Variants in EXOC4 observed in about 807,000 individuals in gnomAD.
EXOC4 encodes the protein SEC8-like 1.
EXOC4 carries 71 observed loss-of-function variants against 107.2 expected under a neutral mutation model. That is an observed-to-expected ratio of 0.66 (90% CI 0.55 to 0.81). The LOEUF (loss-of-function observed/expected upper bound fraction) is 0.81. Ranked by LOEUF, EXOC4 falls within the 30% of genes least tolerant of loss-of-function variation. The pLI is 0.00. For missense variants in EXOC4, 1,108 were observed against 1,189.6 expected, an observed-to-expected ratio of 0.93 and a Z score of 1.01; for synonymous variants, 456 against 441.2, an observed-to-expected ratio of 1.03 and a Z score of -0.42.
At position 133,630,158 on chromosome 7, in the gene EXOC4, G is replaced by A; in HGVS notation, c.1514+17G>A. 6.4e-7 allele frequency: 1 copy of A among 1,555,106 alleles called. No homozygotes were observed. The highest frequency in any genetic ancestry group is 1.4e-5 in the African/African-American group (1 of 73,778). On this transcript the variant is annotated intron_variant, in intron 10 of 17. Transcript: ENST00000253861. ...ATTACTAAGGTAAGTCAAGTGCTAT[G>A]ATATACTTACTGAAGATCAATATTT... is the stretch of plus-strand genomic sequence containing the variant.
intron 7 of EXOC4, among the ~76,000 whole-genome samples, chr7:133,424,711 G>C (rs1181833192): frequency 6.6e-6 from 1 of 152,130 alleles, no homozygotes; most frequent in South Asian, 2.1e-4. Flanking sequence ...TTGTATATTC[G>C]ATGTGAGGTT....
At chr7:133,841,347 G>T (rs755670425) in intron 11 of EXOC4, among the ~76,000 whole-genome samples, 6 of 152,204 alleles carry the variant, frequency 3.9e-5, no homozygotes, top group Non-Finnish European at 7.3e-5. Context: ...CTGAAGATGT[G>T]AAGGGTGGTA....
At chr7:133,347,680 G>A (rs1193046980) in intron 5 of EXOC4, among the ~76,000 whole-genome samples, 1 of 152,098 alleles carries the variant, frequency 6.6e-6, no homozygotes, top group African/African-American at 2.4e-5. Flanking sequence ...TTCAATCACA[G>A]AGATGATTTA....
intron 9 of EXOC4, among the ~76,000 whole-genome samples, chr7:133,567,039 C>T (rs1800919982): frequency 6.6e-6 from 1 of 152,092 alleles, no homozygotes; most frequent in Non-Finnish European, 1.5e-5. Flanking sequence ...ATATACTATG[C>T]TGGCTTAAGA....
rs538061543 is a variant in EXOC4, at chr7:133,642,969, A to G, written c.1514+12828A>G. On this transcript the variant is annotated intron_variant, in intron 10 of 17. Transcript: ENST00000253861. ...AGCGCATGTATCCCCTTTTCTTCCAACTTTTTCCTGTGCCTGCTCTTACTC... is the reference window on the plus strand; with the variant it reads ...AGCGCATGTATCCCCTTTTCTTCCAGCTTTTTCCTGTGCCTGCTCTTACTC... Among the ~76,000 whole-genome samples, 4 of 152,166 alleles carry G rather than the reference A, an allele frequency of 2.6e-5. No individual in the cohort carries two copies. The East Asian group carries it at 7.7e-4, about 29-fold the overall frequency.
intron 3 of EXOC4, among the ~76,000 whole-genome samples, chr7:133,303,121 A>G (rs908097866): frequency 1.3e-5 from 2 of 152,152 alleles, no homozygotes; most frequent in African/African-American, 2.4e-5. Context: ...TTATGTTTCA[A>G]ACTCCTTAAA....
intron 10 of EXOC4, among the ~76,000 whole-genome samples, chr7:133,739,307 G>A (rs1037513655): frequency 6.6e-6 from 1 of 151,604 alleles, no homozygotes; most frequent in Non-Finnish European, 1.5e-5. Flanking sequence ...GTTTAATTGT[G>A]GGATCTGGCT....
intron 10 of EXOC4, among the ~76,000 whole-genome samples, chr7:133,702,447 T>G (rs2151088434): frequency 7.3e-6 from 1 of 137,446 alleles, no homozygotes; most frequent in Non-Finnish European, 1.6e-5. Context: ...CAAGCAATTC[T>G]CTCACCTCAG....
intron 17 of EXOC4, among the ~76,000 whole-genome samples, chr7:134,029,962 C>T (rs1350373352): frequency 9.9e-5 from 15 of 152,208 alleles, no homozygotes; most frequent in African/African-American, 1.4e-4. Flanking sequence ...ATATCTGGAA[C>T]GTTTCCTAAA....
At position 134,023,826 on chromosome 7, in the gene EXOC4, T is replaced by C. The variant is rs73156982; in HGVS notation, c.2687+15991T>C. Among the ~76,000 whole-genome samples the C allele has an allele frequency of 3.6e-3, 544 of 152,214 alleles. 2 individuals are homozygous for C. Among genetic ancestry groups the C allele is most frequent in the Non-Finnish European group, 5.7e-3 (391 of 68,006 alleles). On this transcript the variant is annotated intron_variant, in intron 17 of 17. Coordinates refer to ENST00000253861, the MANE Select transcript of EXOC4 (RefSeq NM_021807.4). Reference sequence around the variant, plus strand: ...GTGTTTTATCTTCCCAGAGAGGAACTGAAAGGAGATGTTGTATAGTCGACC... The same window carrying C: ...GTGTTTTATCTTCCCAGAGAGGAACCGAAAGGAGATGTTGTATAGTCGACC...
intron 9 of EXOC4, among the ~76,000 whole-genome samples, chr7:133,540,427 C>T (rs9640874): frequency 0.091 from 13,843 of 152,228 alleles, 703 homozygotes; most frequent in Middle Eastern, 0.14. Flanking sequence ...GTAACTCCAA[C>T]TGATTACCCC....
chr7:133,714,304 T>C (rs1794955737), intron 10 of EXOC4, among the ~76,000 whole-genome samples: 1 of 152,180 alleles, frequency 6.6e-6, no homozygotes, highest in Non-Finnish European at 1.5e-5. Flanking sequence ...GCTGAAAGCC[T>C]ACTGACGGAG....
At chr7:133,576,419 C>A in intron 9 of EXOC4, 1 of 1,090,516 alleles carries the variant, frequency 9.2e-7, no homozygotes, top group Non-Finnish European at 1.2e-6. Flanking sequence ...GTCAAATTAG[C>A]ATTATGTAGT....
At chr7:133,765,843 T>G (rs6946341) in intron 10 of EXOC4, among the ~76,000 whole-genome samples, 149,811 of 151,902 alleles carry the variant, frequency 0.99, 73,923 homozygotes, top group Middle Eastern at 1. Flanking sequence ...TCTCTCTTTT[T>G]GTACTCAAAG....
intron 10 of EXOC4, among the ~76,000 whole-genome samples, chr7:133,807,106 T>C (rs992823069): frequency 6.6e-6 from 1 of 152,164 alleles, no homozygotes; most frequent in African/African-American, 2.4e-5. Flanking sequence ...ATACGCAGGT[T>C]CTGCAGGGCT....
At chr7:133,797,380 C>T (rs1796839456) in intron 10 of EXOC4, among the ~76,000 whole-genome samples, 1 of 152,130 alleles carries the variant, frequency 6.6e-6, no homozygotes, top group Non-Finnish European at 1.5e-5. Context: ...CGATTCTGCC[C>T]AAGTAGTATC....
At chr7:134,003,605 A>G (rs1794577908) in intron 15 of EXOC4, among the ~76,000 whole-genome samples, 1 of 152,110 alleles carries the variant, frequency 6.6e-6, no homozygotes, top group Non-Finnish European at 1.5e-5. Context: ...ACCCTGGATT[A>G]TGTCATCATT....
intron 1 of EXOC4, among the ~76,000 whole-genome samples, chr7:133,265,842 A>G (rs1793716002): frequency 6.6e-6 from 1 of 152,180 alleles, no homozygotes; most frequent in African/African-American, 2.4e-5. Flanking sequence ...ATTACATTAA[A>G]TATTTCTTAT....
intron 10 of EXOC4, among the ~76,000 whole-genome samples, chr7:133,739,981 A>G (rs889052730): frequency 1.3e-5 from 2 of 152,138 alleles, no homozygotes; most frequent in African/African-American, 4.8e-5. Context: ...AGGGTAAAGG[A>G]TTCTAATGTA....
Sources: allele counts gnomAD v4.1 joint callset (sites outside exome capture counted in the v4.1 genomes callset), GRCh38; gene constraint gnomAD v4.1.1; transcripts MANE v1.5; gene names NCBI Gene and HGNC (gene_info 2026-07-23, HGNC 2026-07-21).